Variants in SUMF1 observed in about 807,000 individuals in gnomAD.
The protein encoded by SUMF1 is sulfatase modifying factor 1, also known as formylglycine-generating enzyme.
A neutral mutation model predicts 47.6 loss-of-function variants in SUMF1; 48 were observed. The observed-to-expected ratio is 1.01, with a 90% CI of 0.80 to 1.28. The LOEUF is 1.28. SUMF1 is among the 50% of genes most tolerant of loss of function. The pLI is 0.00. For missense variants in SUMF1, 571 were observed against 485.4 expected (o/e 1.18, Z -1.66); for synonymous variants, 230 against 192.1 (o/e 1.20, Z -1.63).
At chr3:4,048,312 T>C (rs1199933865) in intron 9 of SUMF1, among the ~76,000 whole-genome samples, 1 of 152,170 alleles carries the variant, frequency 6.6e-6, no homozygotes, top group African/African-American at 2.4e-5. Context: ...TTTAATAGCA[T>C]ATACGGTATG....
intron 9 of SUMF1, among the ~76,000 whole-genome samples, chr3:4,034,930 T>G (rs960959731): frequency 6.6e-6 from 1 of 151,368 alleles, no homozygotes; most frequent in African/African-American, 2.4e-5. Flanking sequence ...GATTGGGGAA[T>G]AGTAAGTTGG....
intron 8 of SUMF1, among the ~76,000 whole-genome samples, chr3:4,324,535 G>A (rs1698902531): frequency 1.3e-5 from 2 of 152,148 alleles, no homozygotes; most frequent in Admixed American, 6.5e-5. Flanking sequence ...TGAGGTAGAT[G>A]GTTAGATTCT....
At chr3:4,347,256 C>T (rs115003608) in intron 8 of SUMF1, among the ~76,000 whole-genome samples, 2,234 of 152,244 alleles carry the variant, frequency 0.015, 59 homozygotes, top group African/African-American at 0.046. Flanking sequence ...CCTAACATCC[C>T]TCATGAACAT....
chr3:4,265,483 A>G (rs1223914668), intron 8 of SUMF1, among the ~76,000 whole-genome samples: 2 of 152,156 alleles, frequency 1.3e-5, no homozygotes, highest in Admixed American at 6.5e-5. Context: ...ACACATTATT[A>G]TTTAAATTCT....
intron 1 of SUMF1, among the ~76,000 whole-genome samples, chr3:4,465,514 T>C (rs942508257): frequency 6.6e-6 from 1 of 150,558 alleles, no homozygotes; most frequent in African/African-American, 2.4e-5. Flanking sequence ...AAAGAGAGAT[T>C]GATTATCAAT....
chr3:4,087,416 G>A (rs893551778), intron 8 of SUMF1, among the ~76,000 whole-genome samples: 3 of 152,122 alleles, frequency 2.0e-5, no homozygotes, highest in Non-Finnish European at 4.4e-5. Flanking sequence ...GCACTGCACA[G>A]GTATGTAACT....
chr3:4,081,657 A>G (rs1188901015), intron 8 of SUMF1, among the ~76,000 whole-genome samples: 1 of 152,124 alleles, frequency 6.6e-6, no homozygotes, highest in East Asian at 1.9e-4. Flanking sequence ...CAGCTTCTTC[A>G]GTTATAAAAT....
intron 8 of SUMF1, among the ~76,000 whole-genome samples, chr3:4,210,023 T>G (rs1245503400): frequency 6.6e-6 from 1 of 151,938 alleles, no homozygotes; most frequent in African/African-American, 2.4e-5. Context: ...GCCTCCCGAG[T>G]AGCTGAGATT....
At chr3:4,070,685 G>C (rs1293825058) in intron 8 of SUMF1, among the ~76,000 whole-genome samples, 3 of 151,808 alleles carry the variant, frequency 2.0e-5, no homozygotes, top group Non-Finnish European at 4.4e-5. Flanking sequence ...GCCCAGGCTG[G>C]AGTGCAGTGG....
rs1298308958 is a variant in SUMF1, at chr3:4,449,316, C to T, written c.469G>A (p.Val157Ile). 6.2e-7 allele frequency: 1 copy of T among 1,614,090 alleles called. No individual in the cohort carries two copies. The highest frequency in any genetic ancestry group is 8.5e-7 in the Non-Finnish European group (1 of 1,179,974). Reference protein sequence around the residue: ...TEAEKFGDSFVFEGMLSEQVK... With the variant: ...TEAEKFGDSFIFEGMLSEQVK... ...TGCTCACTCAACATGCCTTCAAAGACAAAGGAGTCGCCAAACTTCTCAGCC... is the reference window on the plus strand; with the variant it reads ...TGCTCACTCAACATGCCTTCAAAGATAAAGGAGTCGCCAAACTTCTCAGCC... Residue 157 changes from valine to isoleucine, a missense_variant, in exon 3 of 9, where the codon GTC becomes ATC. Physicochemically the swap from Val to Ile is conservative, Grantham distance 29. Transcript: ENST00000272902.
At chr3:4,301,552 G>C (rs762419212) in intron 8 of SUMF1, among the ~76,000 whole-genome samples, 2 of 152,196 alleles carry the variant, frequency 1.3e-5, no homozygotes, top group Non-Finnish European at 2.9e-5. Flanking sequence ...AGAAATGAGA[G>C]AGCCTAGGAC....
intron 8 of SUMF1, among the ~76,000 whole-genome samples, chr3:4,312,434 A>C (rs1348997704): frequency 6.6e-6 from 1 of 152,124 alleles, no homozygotes; most frequent in Non-Finnish European, 1.5e-5. Context: ...TTATACATAC[A>C]TAATAATACA....
At chr3:4,091,570 C>CA (rs1384188318) in intron 8 of SUMF1, among the ~76,000 whole-genome samples, 1 of 152,048 alleles carries the variant, frequency 6.6e-6, no homozygotes, top group African/African-American at 2.4e-5. Flanking sequence ...ACACTGTTGA[C>CA]AAAAAACCTG....
At chr3:4,095,468 C>T (rs1692880978) in intron 8 of SUMF1, among the ~76,000 whole-genome samples, 2 of 152,006 alleles carry the variant, frequency 1.3e-5, no homozygotes, top group African/African-American at 4.8e-5. Flanking sequence ...TTGTAATCCA[C>T]ACCACACAAG....
At chr3:4,137,700 A>G (rs1485121364) in intron 8 of SUMF1, among the ~76,000 whole-genome samples, 1 of 152,096 alleles carries the variant, frequency 6.6e-6, no homozygotes. Context: ...TTCCACAACT[A>G]ACATCATACT....
At chr3:4,291,044 G>C (rs1225959904) in intron 8 of SUMF1, among the ~76,000 whole-genome samples, 1 of 152,140 alleles carries the variant, frequency 6.6e-6, no homozygotes, top group African/African-American at 2.4e-5. Context: ...CTACCTCACA[G>C]GACTCTTTTA....
chr3:4,126,643 C>T (rs937774624), intron 8 of SUMF1, among the ~76,000 whole-genome samples: 1 of 152,060 alleles, frequency 6.6e-6, no homozygotes, highest in Non-Finnish European at 1.5e-5. Flanking sequence ...GGTATGAATA[C>T]AACCACTTTT....
chr3:4,377,993 T>C (rs975484516), intron 7 of SUMF1, among the ~76,000 whole-genome samples: 8 of 152,238 alleles, frequency 5.3e-5, no homozygotes, highest in African/African-American at 1.4e-4. Flanking sequence ...TAATGTACTT[T>C]CTTGCAAATG....
At chr3:4,258,901 C>G (rs11129962) in intron 8 of SUMF1, among the ~76,000 whole-genome samples, 42,473 of 110,460 alleles carry the variant, frequency 0.38, 9,209 homozygotes, top group African/African-American at 0.51. Flanking sequence ...AAGAAAATGT[C>G]GCACATATAC....
Sources: gnomAD v4.1 joint callset for allele counts (sites outside exome capture counted in the v4.1 genomes callset) on GRCh38, gnomAD v4.1.1 for gene constraint, MANE v1.5 for transcripts, NCBI Gene and HGNC (gene_info 2026-07-23, HGNC 2026-07-21) for gene names.